SLC7A11: variants seen among roughly 807,000 people sequenced by gnomAD.
The protein encoded by SLC7A11 is solute carrier family 7 member 11.
A neutral mutation model predicts 54.5 loss-of-function variants in SLC7A11; 35 were observed. The ratio of observed to expected loss-of-function variants is 0.64; its 90% CI spans 0.49 to 0.85. The LOEUF is 0.85. Among genes scored for constraint, SLC7A11 ranks in the 40% least tolerant of loss-of-function variants. The pLI is 0.00. For missense variants in SLC7A11, 583 were observed against 618.1 expected (o/e 0.94, Z 0.60); for synonymous variants, 230 against 225.2 (o/e 1.02, Z -0.19).
chr4:138,225,899 A>G (rs1737937282), intron 3 of SLC7A11, among the ~76,000 whole-genome samples: 1 of 152,040 alleles, frequency 6.6e-6, no homozygotes, highest in Non-Finnish European at 1.5e-5. Flanking sequence ...TAAAAACGAA[A>G]AGAGGCAGGC....
chr4:138,205,640 G>A (rs945936570), intron 6 of SLC7A11, among the ~76,000 whole-genome samples: 1 of 152,050 alleles, frequency 6.6e-6, no homozygotes, highest in Non-Finnish European at 1.5e-5. Context: ...TTTTCACCAA[G>A]TATGACACAG....
At position 138,170,006 on chromosome 4, in the gene SLC7A11, C is replaced by T. The variant is rs981326318; in HGVS notation, c.*1950G>A. The T allele has an allele frequency of 6.6e-6, 1 of 151,384 alleles. No homozygotes were observed. The highest frequency in any genetic ancestry group is 1.9e-4 in the East Asian group (1 of 5,138). The allele number at this position is 151,384 out of a possible 1,614,324, so 9.4% of individuals were successfully genotyped here. A position where few individuals can be genotyped will look rare whatever the true frequency, so the allele number is the denominator to read the frequency against. ...TCCAAATTATAGGTCATCATTTCTACTTTGGACAATTTTTTATGAATTCTA... is the reference window on the plus strand; with the variant it reads ...TCCAAATTATAGGTCATCATTTCTATTTTGGACAATTTTTTATGAATTCTA... On this transcript the variant is annotated 3_prime_UTR_variant, in exon 12 of 12. Coordinates refer to ENST00000280612, the MANE Select transcript of SLC7A11 (RefSeq NM_014331.4).
rs186876737 is a variant in SLC7A11 at position 138,201,418 on chromosome 4, T to C, written c.791+13167A>G. Among the ~76,000 whole-genome samples, 863 of 152,178 alleles carry C rather than the reference T, an allele frequency of 5.7e-3. 17 individuals carry two copies. The highest frequency in any genetic ancestry group is 4.4e-3 in the Non-Finnish European group (297 of 67,992). ...AGAAAGGGAAAGAAAGATAATATGGTACAGCACTAAATAGCCAGGAAAACC... is the reference window on the plus strand; with the variant it reads ...AGAAAGGGAAAGAAAGATAATATGGCACAGCACTAAATAGCCAGGAAAACC... On this transcript the variant is annotated intron_variant, in intron 6 of 11. Transcript: ENST00000280612.
At chr4:138,181,092 A>G (rs1000685950) in intron 9 of SLC7A11, among the ~76,000 whole-genome samples, 3 of 152,132 alleles carry the variant, frequency 2.0e-5, no homozygotes, top group African/African-American at 7.2e-5. Flanking sequence ...GTATGTCTTC[A>G]AAGAGTAAAA....
intron 1 of SLC7A11, among the ~76,000 whole-genome samples, chr4:138,237,759 T>A (rs1478343471): frequency 2.6e-4 from 15 of 56,690 alleles, no homozygotes; most frequent in South Asian, 1.3e-3. Context: ...TTTTTTTTTT[T>A]TTTTTTTTTG....
In SLC7A11 at chr4:138,234,467, T is replaced by C. The variant is rs6842856; in HGVS notation, c.404+1858A>G. Among the ~76,000 whole-genome samples, 924 of 152,318 alleles carry C rather than the reference T, an allele frequency of 6.1e-3. 6 individuals are homozygous for C. The highest frequency in any genetic ancestry group is 0.02 in the African/African-American group (828 of 41,564). The stretch of plus-strand genomic sequence containing the variant: ...AAAGGCCAACTCAGCAATATGAGTA[T>C]GTTATGACAAAGAGATATATGAACA... On this transcript the variant is annotated intron_variant, in intron 2 of 11. Transcript: ENST00000280612.
intron 3 of SLC7A11, among the ~76,000 whole-genome samples, chr4:138,230,496 C>G (rs1043754880): frequency 3.3e-5 from 5 of 151,696 alleles, no homozygotes; most frequent in African/African-American, 1.2e-4. Flanking sequence ...TTCAGCTATT[C>G]AAGATATTAA....
At chr4:138,187,787 T>C (rs184826113) in intron 6 of SLC7A11, among the ~76,000 whole-genome samples, 7 of 152,286 alleles carry the variant, frequency 4.6e-5, no homozygotes, top group Admixed American at 2.6e-4. Flanking sequence ...CGTTTCACTG[T>C]TTGGGAAATA....
chr4:138,231,829 T>C (rs1313478352), intron 3 of SLC7A11, among the ~76,000 whole-genome samples: 2 of 152,176 alleles, frequency 1.3e-5, no homozygotes, highest in East Asian at 3.8e-4. Context: ...GCTGACATTA[T>C]AACACTGGGA....
chr4:138,219,495 A>G (rs1737757514), intron 4 of SLC7A11, 130 bp from the exon 5 acceptor site: 5 of 619,024 alleles, frequency 8.1e-6, no homozygotes, highest in Middle Eastern at 4.0e-4. Context: ...GTTGATTACC[A>G]TCTTTATCAA....
intron 11 of SLC7A11, chr4:138,177,845 G>A (rs747268982): frequency 1.3e-5 from 2 of 152,082 alleles, no homozygotes; most frequent in African/African-American, 4.8e-5. Flanking sequence ...TTTCCTTTTA[G>A]TATGTTTCAC....
chr4:138,171,136 C>T lies in SLC7A11; in HGVS notation c.*820G>A, dbSNP rs1736415109. 6.6e-6 allele frequency: 1 copy of T among 151,774 alleles called. No homozygotes were observed. The highest frequency in any genetic ancestry group is 2.4e-5 in the African/African-American group (1 of 41,312). The allele number at this position is 151,774 out of a possible 1,614,324, so 9.4% of individuals were successfully genotyped here. ...CATCAGGGGTAAGTTATTAGTGAAA[C>T]AGGTGGTTGTTCTAATGAGGATTTA... On this transcript the variant is annotated 3_prime_UTR_variant, in exon 12 of 12. Transcript: ENST00000280612.
intron 1 of SLC7A11, among the ~76,000 whole-genome samples, chr4:138,239,329 T>C (rs1738322399): frequency 6.6e-6 from 1 of 152,108 alleles, no homozygotes; most frequent in Non-Finnish European, 1.5e-5. Flanking sequence ...TCATAACCAT[T>C]TTGCCCAGAT....
chr4:138,190,510 C>T (rs777511021), intron 6 of SLC7A11, among the ~76,000 whole-genome samples: 35 of 152,032 alleles, frequency 2.3e-4, no homozygotes, highest in Non-Finnish European at 4.9e-4. Context: ...AGGTCTGACC[C>T]AGAAATGACG....
At chr4:138,241,034 C>T (rs1168734980) in intron 1 of SLC7A11, among the ~76,000 whole-genome samples, 2 of 152,140 alleles carry the variant, frequency 1.3e-5, no homozygotes, top group Admixed American at 6.5e-5. Context: ...GACAAATTCT[C>T]TGTGTCCCTG....
intron 11 of SLC7A11, among the ~76,000 whole-genome samples, chr4:138,178,618 G>T (rs1028518745): frequency 1.3e-5 from 2 of 151,930 alleles, no homozygotes; most frequent in East Asian, 3.9e-4. Context: ...GTATACCTAT[G>T]TAACAAACCT....
At chr4:138,198,920 T>A (rs187008866) in intron 6 of SLC7A11, among the ~76,000 whole-genome samples, 7 of 152,176 alleles carry the variant, frequency 4.6e-5, no homozygotes, top group Admixed American at 3.9e-4. Flanking sequence ...TAAAATGACA[T>A]GAAATGAAGA....
At chr4:138,240,444 G>A (rs1208576044) in intron 1 of SLC7A11, among the ~76,000 whole-genome samples, 1 of 151,814 alleles carries the variant, frequency 6.6e-6, no homozygotes, top group Non-Finnish European at 1.5e-5. Flanking sequence ...GCACACACCT[G>A]TAGTCCCAGC....
chr4:138,180,934 C>T, intron 9 of SLC7A11, 144 bp from the exon 10 acceptor site: 1 of 773,514 alleles, frequency 1.3e-6, no homozygotes, highest in Non-Finnish European at 2.0e-6. Flanking sequence ...TTGGATTTGA[C>T]TAATCTCTTT....
Sources: gnomAD v4.1 joint callset for allele counts (sites outside exome capture counted in the v4.1 genomes callset) on GRCh38, gnomAD v4.1.1 for gene constraint, MANE v1.5 for transcripts, NCBI Gene and HGNC (gene_info 2026-07-23, HGNC 2026-07-21) for gene names.